EFCAB8: variants seen among roughly 807,000 people sequenced by gnomAD.
The protein encoded by EFCAB8 is EF-hand calcium binding domain 8.
A neutral mutation model predicts 116.3 loss-of-function variants in EFCAB8; 100 were observed. The ratio of observed to expected loss-of-function variants is 0.86; its 90% CI spans 0.73 to 1.02. The LOEUF (loss-of-function observed/expected upper bound fraction) is 1.02. EFCAB8 is among the 50% of genes least tolerant of loss of function. The probability of loss-of-function intolerance (pLI) is 0.00; values close to 1 mark genes in which losing one functional copy is unlikely to be tolerated. For synonymous variants in EFCAB8, 558 were observed against 567.9 expected, an observed-to-expected ratio of 0.98 and a Z score of 0.25; for missense variants, 1,320 against 1,416.9, an observed-to-expected ratio of 0.93 and a Z score of 1.10.
chr20:32,881,490 TCCAG>T, intron 5 of EFCAB8, among the ~76,000 whole-genome samples: 1 of 152,280 alleles, frequency 6.6e-6, no homozygotes, highest in South Asian at 2.1e-4. Flanking sequence ...AGCCACCGCA[TCCAG>T]CCAGTCATCT....
intron 23 of EFCAB8, among the ~76,000 whole-genome samples, chr20:32,950,029 A>T (rs887800062): frequency 2.0e-5 from 3 of 151,990 alleles, no homozygotes; most frequent in Non-Finnish European, 4.4e-5. Context: ...AAACAACAAC[A>T]ACAACAACAA....
chr20:32,878,854 G>A lies in EFCAB8; in HGVS notation c.431+47G>A, dbSNP rs372541676. 1.9e-5 allele frequency: 28 copies of A among 1,497,890 alleles called. No individual in the cohort carries two copies. In the South Asian group the frequency reaches 2.3e-4, roughly 12 times the overall value. The allele number at this position is 1,497,890 out of a possible 1,614,324, so 92.8% of individuals were successfully genotyped here. On this transcript the variant is annotated intron_variant, in intron 5 of 26. Coordinates refer to ENST00000400522, the MANE Select transcript of EFCAB8 (RefSeq NM_001143967.2). ...CTTGGTGGGTGGGGTGACTGGACAA[G>A]TGCTGGTGCCAGCCTGCAGTGAGCC...
intron 5 of EFCAB8, among the ~76,000 whole-genome samples, chr20:32,882,740 G>A (rs1218492026): frequency 6.6e-6 from 1 of 151,386 alleles, no homozygotes; most frequent in East Asian, 2.0e-4. Flanking sequence ...CGGTCGCCCA[G>A]GCTGGAGTGC....
At chr20:32,869,817 T>C (rs189035261) in intron 3 of EFCAB8, among the ~76,000 whole-genome samples, 90 of 152,330 alleles carry the variant, frequency 5.9e-4, no homozygotes, top group Middle Eastern at 6.8e-3. Flanking sequence ...CTAAGGAATT[T>C]TCCATATTGC....
chr20:32,864,034 T>TGGCA (rs1465757906), intron 2 of EFCAB8, among the ~76,000 whole-genome samples, 200 bp downstream of exon 2: 1 of 151,918 alleles, frequency 6.6e-6, no homozygotes, highest in Non-Finnish European at 1.5e-5. Context: ...TGGAGTGCAG[T>TGGCA]GGCATCATCT....
intron 23 of EFCAB8, among the ~76,000 whole-genome samples, chr20:32,953,183 A>T (rs1168569513): frequency 6.6e-6 from 1 of 152,148 alleles, no homozygotes. Context: ...ATAATATTTC[A>T]TTGTATATAT....
At chr20:32,881,683 T>C (rs1985344210) in intron 5 of EFCAB8, among the ~76,000 whole-genome samples, 1 of 152,182 alleles carries the variant, frequency 6.6e-6, no homozygotes, top group Non-Finnish European at 1.5e-5. Flanking sequence ...CCTATCTGGA[T>C]CATTGGTAGC....
Position 32,863,505 on chromosome 20 carries a change from A to G in EFCAB8, c.-10-278A>G, listed in dbSNP as rs190574661. Among the ~76,000 whole-genome samples, 293 of 152,336 alleles carry G rather than the reference A, an allele frequency of 1.9e-3. 2 individuals are homozygous for G. The highest frequency in any genetic ancestry group is 6.7e-3 in the African/African-American group (280 of 41,582). On this transcript the variant is annotated intron_variant, in intron 1 of 26. Coordinates refer to ENST00000400522, the MANE Select transcript of EFCAB8 (RefSeq NM_001143967.2). ...AAGCCTCTGGCATTAAGTCAGGAGT[A>G]AAGAAACTTGTGAAACCCCATGGCT... is the stretch of plus-strand genomic sequence containing the variant.
intron 23 of EFCAB8, among the ~76,000 whole-genome samples, chr20:32,953,271 C>T (rs552947623): frequency 1.3e-5 from 2 of 152,258 alleles, no homozygotes; most frequent in South Asian, 4.1e-4. Flanking sequence ...GTGAATTGTG[C>T]TTCTGTGAAC....
At chr20:32,945,918 G>A (rs1988582274) in intron 23 of EFCAB8, among the ~76,000 whole-genome samples, 1 of 152,210 alleles carries the variant, frequency 6.6e-6, no homozygotes, top group African/African-American at 2.4e-5. Context: ...AGTACTGCAA[G>A]TTCTCTAGAG....
chr20:32,927,724 T>A (rs1987729361), intron 20 of EFCAB8, among the ~76,000 whole-genome samples: 1 of 152,232 alleles, frequency 6.6e-6, no homozygotes, highest in Admixed American at 6.5e-5. Flanking sequence ...TTCATATGTC[T>A]ATGCTGCCCA....
chr20:32,911,710 C>A lies in EFCAB8; in HGVS notation c.1785+3C>A. ...TTCCCAGTCCGGAACAGCTGGAGGTCAGTCTTGCTTGTCAATTACAGCCAG... is the reference window on the plus strand; with the variant it reads ...TTCCCAGTCCGGAACAGCTGGAGGTAAGTCTTGCTTGTCAATTACAGCCAG... On this transcript the variant is annotated splice_donor_region_variant and intron_variant, in intron 16 of 26. Coordinates refer to ENST00000400522, the MANE Select transcript of EFCAB8 (RefSeq NM_001143967.2). The A allele has an allele frequency of 1.3e-6, 2 of 1,551,576 alleles. No individual in the cohort carries two copies. Among genetic ancestry groups the A allele is most frequent in the South Asian group, 2.4e-5 (2 of 84,016 alleles).
At chr20:32,876,169 G>A (rs1984960316) in intron 4 of EFCAB8, 125 bp downstream of exon 4, 1 of 829,250 alleles carries the variant, frequency 1.2e-6, no homozygotes, top group Non-Finnish European at 1.9e-6. Context: ...GTGGATTCTG[G>A]CCCCAGTCGG....
At chr20:32,924,533 G>C (rs1483813474) in intron 20 of EFCAB8, among the ~76,000 whole-genome samples, 1 of 152,098 alleles carries the variant, frequency 6.6e-6, no homozygotes. Flanking sequence ...CCATTTTATG[G>C]CTGAAGAAAC....
At chr20:32,878,508 CTTTTT>C (rs1292839813) in intron 4 of EFCAB8, among the ~76,000 whole-genome samples, 191 bp from the exon 5 acceptor site, 1 of 116,630 alleles carries the variant, frequency 8.6e-6, no homozygotes, top group East Asian at 2.4e-4. Flanking sequence ...GGCTTGAGTT[CTTTTT>C]TTTTTTTTTT....
chr20:32,884,783 G>C (rs1293415145), intron 5 of EFCAB8, among the ~76,000 whole-genome samples: 1 of 152,146 alleles, frequency 6.6e-6, no homozygotes, highest in African/African-American at 2.4e-5. Context: ...TCAAAGATTG[G>C]GCAGATCAAG....
chr20:32,882,488 T>C (rs1171666026), intron 5 of EFCAB8, among the ~76,000 whole-genome samples: 1 of 152,188 alleles, frequency 6.6e-6, no homozygotes, highest in Non-Finnish European at 1.5e-5. Context: ...AGCAAGATGC[T>C]GAGTAAACCA....
chr20:32,860,379 G>T (rs1038682272), intron 1 of EFCAB8, among the ~76,000 whole-genome samples: 1 of 151,538 alleles, frequency 6.6e-6, no homozygotes, highest in Non-Finnish European at 1.5e-5. Context: ...CTTATGATTA[G>T]ATTCAGATCA....
Position 32,885,581 on chromosome 20 carries a change from A to G in EFCAB8, c.508A>G (p.Thr170Ala). 5 of 1,551,674 alleles carry G rather than the reference A, an allele frequency of 3.2e-6. No individual in the cohort carries two copies. The highest frequency in any genetic ancestry group is 4.4e-6 in the Non-Finnish European group (5 of 1,147,000). Reference protein sequence around the residue: ...FKKIGCFLTVTKDGILQFWSE... With the variant: ...FKKIGCFLTVAKDGILQFWSE... ...GAAGATCGGGTGTTTCCTGACTGTCACCAAAGACGGGATCCTGCAGTTCTG... is the reference window on the plus strand; with the variant it reads ...GAAGATCGGGTGTTTCCTGACTGTCGCCAAAGACGGGATCCTGCAGTTCTG... The change falls in exon 6 of 27, where the codon ACC becomes GCC. Residue 170 changes from threonine to alanine, a missense_variant. Coordinates refer to ENST00000400522, the MANE Select transcript of EFCAB8 (RefSeq NM_001143967.2).
Sources: allele counts gnomAD v4.1 joint callset (sites outside exome capture counted in the v4.1 genomes callset), GRCh38; gene constraint gnomAD v4.1.1; transcripts MANE v1.5; gene names NCBI Gene and HGNC (gene_info 2026-07-23, HGNC 2026-07-21).